ZDHHC14: variants seen among roughly 807,000 people sequenced by gnomAD.
ZDHHC14 encodes the protein zDHHC palmitoyltransferase 14.
In ZDHHC14, 16 loss-of-function variants were observed where a neutral mutation model predicts 47.7. The observed-to-expected ratio is 0.34, with a 90% CI of 0.23 to 0.51. The LOEUF (loss-of-function observed/expected upper bound fraction) is 0.51. Ranked by LOEUF, ZDHHC14 falls within the 20% of genes least tolerant of loss-of-function variation. ZDHHC14 has a pLI of 0.97. For synonymous variants in ZDHHC14, 293 were observed against 278.9 expected, an observed-to-expected ratio of 1.05 and a Z score of -0.50; for missense variants, 515 against 662.5, an observed-to-expected ratio of 0.78 and a Z score of 2.44.
chr6:157,650,761 C>T (rs1025858469), intron 7 of ZDHHC14, among the ~76,000 whole-genome samples: 22 of 152,348 alleles, frequency 1.4e-4, no homozygotes, highest in Non-Finnish European at 2.5e-4. Flanking sequence ...CTTCCCATCA[C>T]TTCACCTGAC....
At chr6:157,629,786 C>T (rs1785594403) in intron 4 of ZDHHC14, 1 of 152,116 alleles carries the variant, frequency 6.6e-6, no homozygotes, top group Non-Finnish European at 1.5e-5. Flanking sequence ...GACAGGGGCA[C>T]CCTCTCCCTC....
At chr6:157,483,552 T>G (rs1779684018) in intron 1 of ZDHHC14, among the ~76,000 whole-genome samples, 2 of 152,214 alleles carry the variant, frequency 1.3e-5, no homozygotes, top group African/African-American at 4.8e-5. Flanking sequence ...GTAATGATGA[T>G]GATGATGGGC....
intron 1 of ZDHHC14, among the ~76,000 whole-genome samples, chr6:157,389,574 T>C (rs1007666078): frequency 2.6e-5 from 4 of 152,230 alleles, no homozygotes; most frequent in African/African-American, 9.6e-5. Context: ...TTTTGGCTTC[T>C]TTTAGATGAA....
chr6:157,636,313 TAA>T (rs1308238823), intron 5 of ZDHHC14, among the ~76,000 whole-genome samples: 1 of 148,988 alleles, frequency 6.7e-6, no homozygotes, highest in African/African-American at 2.5e-5. Context: ...CACACATATA[TAA>T]GGACTATATA....
In ZDHHC14 at chr6:157,571,875, T is replaced by C. The variant is rs533457379; in HGVS notation, c.407-21113T>C. 2.0e-5 allele frequency among the ~76,000 whole-genome samples: 3 copies of C among 151,414 alleles called. No homozygotes were observed. The East Asian group carries it at 5.8e-4, about 29-fold the overall frequency. ...CACCAAGCTTAGCTAACTAGTTGGC[T>C]GACTTGCTGTTAATTTTGTCCTGCC... On this transcript the variant is annotated intron_variant, in intron 2 of 8. Transcript: ENST00000359775.
chr6:157,396,967 C>T (rs763976589), intron 1 of ZDHHC14, among the ~76,000 whole-genome samples: 67 of 152,206 alleles, frequency 4.4e-4, no homozygotes, highest in Non-Finnish European at 7.4e-4. Flanking sequence ...TAGAGTTCCA[C>T]TTATTTCTAT....
chr6:157,414,406 A>G (rs1444012176), intron 1 of ZDHHC14, among the ~76,000 whole-genome samples: 1 of 152,316 alleles, frequency 6.6e-6, no homozygotes, highest in Admixed American at 6.5e-5. Context: ...ACCCTTGATT[A>G]TGAAAACCAT....
At chr6:157,532,463 A>C (rs994861696) in intron 1 of ZDHHC14, among the ~76,000 whole-genome samples, 11 of 152,078 alleles carry the variant, frequency 7.2e-5, no homozygotes, top group Admixed American at 7.2e-4. Flanking sequence ...TGCCATCCCT[A>C]GACCACCCGC....
At chr6:157,607,687 G>A (rs946660337) in intron 3 of ZDHHC14, among the ~76,000 whole-genome samples, 3 of 152,258 alleles carry the variant, frequency 2.0e-5, no homozygotes, top group South Asian at 4.2e-4. Flanking sequence ...CTGTTTAAAC[G>A]TTGGAGAGCC....
chr6:157,388,292 A>G (rs536764412), intron 1 of ZDHHC14, among the ~76,000 whole-genome samples: 2 of 152,324 alleles, frequency 1.3e-5, no homozygotes, highest in South Asian at 4.1e-4. Flanking sequence ...GCTAGTAGGA[A>G]GTGATACTAA....
chr6:157,669,978 C>T lies in ZDHHC14; in HGVS notation c.1069-2746C>T, dbSNP rs193247040. ...TCCGTCCAAACCCTGGTATAGTTTCCAGAAGACGAATGTTTAATCAATGAG... is the reference window on the plus strand; with the variant it reads ...TCCGTCCAAACCCTGGTATAGTTTCTAGAAGACGAATGTTTAATCAATGAG... On this transcript the variant is annotated intron_variant, in intron 8 of 8. Transcript: ENST00000359775. Among the ~76,000 whole-genome samples the T allele has an allele frequency of 2.6e-3, 391 of 152,364 alleles. 1 individual carries two copies. Among genetic ancestry groups the T allele is most frequent in the Non-Finnish European group, 4.0e-3 (270 of 68,034 alleles).
At position 157,673,166 on chromosome 6, in the gene ZDHHC14, G is replaced by A; in HGVS notation, c.*44G>A. ...GGGGGACACCAGAGGCTCCTCCATGGGCAGCAGGAGTGAGCGGAGGGGTGT... is the reference window on the plus strand; with the variant it reads ...GGGGGACACCAGAGGCTCCTCCATGAGCAGCAGGAGTGAGCGGAGGGGTGT... On this transcript the variant is annotated 3_prime_UTR_variant, in exon 9 of 9. Transcript: ENST00000359775. The surrounding 1 kb of genome is among the most constrained non-coding windows in gnomAD (Gnocchi z 5.4). 1 of 1,517,410 alleles carries A rather than the reference G, an allele frequency of 6.6e-7. No individual in the cohort carries two copies. The highest frequency in any genetic ancestry group is 8.7e-7 in the Non-Finnish European group (1 of 1,143,914). The allele number at this position is 1,517,410 out of a possible 1,614,324, so 94.0% of individuals were successfully genotyped here.
intron 1 of ZDHHC14, among the ~76,000 whole-genome samples, chr6:157,385,180 C>T (rs943808293): frequency 2.0e-5 from 3 of 151,948 alleles, no homozygotes; most frequent in East Asian, 1.9e-4. Flanking sequence ...CCTTGACCGC[C>T]GAGGCTCAAG....
intron 1 of ZDHHC14, among the ~76,000 whole-genome samples, chr6:157,451,703 G>C (rs1562430596): frequency 6.6e-6 from 1 of 152,110 alleles, no homozygotes; most frequent in Admixed American, 6.5e-5. Flanking sequence ...TGGGATTACA[G>C]GTGCCCACCA....
chr6:157,614,141 TG>T (rs952259456), intron 3 of ZDHHC14, among the ~76,000 whole-genome samples: 1 of 151,438 alleles, frequency 6.6e-6, no homozygotes, highest in African/African-American at 2.4e-5. Context: ...GTAGGGGGGA[TG>T]GGGGGGCGGG....
At chr6:157,395,726 G>A (rs560790353) in intron 1 of ZDHHC14, among the ~76,000 whole-genome samples, 1 of 151,816 alleles carries the variant, frequency 6.6e-6, no homozygotes, top group East Asian at 2.0e-4. Context: ...CCTGGGAGGC[G>A]GAGGTTTCAG....
intron 1 of ZDHHC14, among the ~76,000 whole-genome samples, chr6:157,456,997 T>TAATA (rs557075276): frequency 0.051 from 7,470 of 146,946 alleles, 382 homozygotes; most frequent in African/African-American, 0.12. Flanking sequence ...AAAAATACAA[T>TAATA]AATAAATAAA....
intron 3 of ZDHHC14, among the ~76,000 whole-genome samples, chr6:157,604,169 C>T (rs9365162): frequency 6.6e-6 from 1 of 151,674 alleles, no homozygotes; most frequent in Non-Finnish European, 1.5e-5. Flanking sequence ...TGCCTGTAAG[C>T]CCAACTACCC....
intron 3 of ZDHHC14, among the ~76,000 whole-genome samples, chr6:157,625,635 C>T (rs1228201150): frequency 1.3e-5 from 2 of 152,118 alleles, no homozygotes; most frequent in South Asian, 2.1e-4. Flanking sequence ...GGGATTAGGC[C>T]AGTGAGAACT....
Sources: allele counts gnomAD v4.1 joint callset (sites outside exome capture counted in the v4.1 genomes callset), GRCh38; gene constraint gnomAD v4.1.1; non-coding constraint Gnocchi (gnomAD v3.1); transcripts MANE v1.5; gene names NCBI Gene and HGNC (gene_info 2026-07-23, HGNC 2026-07-21).